The following CFAP20DC variants were observed in gnomAD, a reference collection of about 807,000 sequenced individuals.
The protein encoded by CFAP20DC is CFAP20 domain containing.
CFAP20DC carries 84 observed loss-of-function variants against 101.7 expected under a neutral mutation model. The ratio of observed to expected loss-of-function variants is 0.83; its 90% CI spans 0.69 to 0.99. The LOEUF is 0.99. CFAP20DC is among the 50% of genes least tolerant of loss of function. The probability of loss-of-function intolerance (pLI) is 0.00; values close to 1 mark genes in which losing one functional copy is unlikely to be tolerated. For synonymous variants in CFAP20DC, 359 were observed against 351.2 expected, an observed-to-expected ratio of 1.02 and a Z score of -0.25; for missense variants, 1,007 against 970.3, an observed-to-expected ratio of 1.04 and a Z score of -0.50.
At chr3:58,946,614 G>A (rs780209424) in intron 4 of CFAP20DC, among the ~76,000 whole-genome samples, 5 of 152,084 alleles carry the variant, frequency 3.3e-5, no homozygotes, top group Non-Finnish European at 4.4e-5. Context: ...CCACATTCCT[G>A]TATGCTACCC....
At chr3:58,931,262 A>G (rs560098009) in intron 5 of CFAP20DC, among the ~76,000 whole-genome samples, 56 of 152,314 alleles carry the variant, frequency 3.7e-4, no homozygotes, top group African/African-American at 1.3e-3. Context: ...TAAACAAAGC[A>G]GCCAGGAAGC....
At chr3:58,935,225 A>T (rs2087369199) in intron 5 of CFAP20DC, among the ~76,000 whole-genome samples, 1 of 152,048 alleles carries the variant, frequency 6.6e-6, no homozygotes. Flanking sequence ...AGGGATGTGA[A>T]GGACCTCTTC....
intron 4 of CFAP20DC, among the ~76,000 whole-genome samples, chr3:58,955,868 G>A (rs577774553): frequency 6.6e-6 from 1 of 151,564 alleles, no homozygotes; most frequent in South Asian, 2.1e-4. Context: ...AGTAGGATAG[G>A]GCAACAGTCA....
At position 58,854,060 on chromosome 3, in the gene CFAP20DC, C is replaced by T. The variant is rs376108206; in HGVS notation, c.1594-4651G>A. ...AAGTCAAATTGTCCCTGTTTGCAGA[C>T]GACATGATTGTATATCTAGAAAACC... On this transcript the variant is annotated intron_variant, in intron 12 of 16. Coordinates refer to ENST00000482387, the MANE Select transcript of CFAP20DC (RefSeq NM_001394063.1). Among the ~76,000 whole-genome samples, 36 of 152,130 alleles carry T rather than the reference C, an allele frequency of 2.4e-4. No individual in the cohort carries two copies. In the South Asian group the frequency reaches 2.7e-3, roughly 11 times the overall value.
chr3:59,025,151 T>G (rs2093872225), intron 4 of CFAP20DC, among the ~76,000 whole-genome samples: 1 of 152,196 alleles, frequency 6.6e-6, no homozygotes, highest in African/African-American at 2.4e-5. Flanking sequence ...GTAACTCCCT[T>G]CATACCAGAA....
At chr3:59,027,418 C>A (rs1344026599) in intron 4 of CFAP20DC, among the ~76,000 whole-genome samples, 1 of 152,122 alleles carries the variant, frequency 6.6e-6, no homozygotes, top group Non-Finnish European at 1.5e-5. Flanking sequence ...GAATCCTAAC[C>A]TCTCCAAACA....
intron 15 of CFAP20DC, among the ~76,000 whole-genome samples, chr3:58,764,427 C>T (rs2070057964): frequency 6.6e-6 from 1 of 152,152 alleles, no homozygotes; most frequent in Non-Finnish European, 1.5e-5. Context: ...TTCCAGGTGC[C>T]ATCTGTCACC....
At chr3:58,932,610 G>A (rs1468446793) in intron 5 of CFAP20DC, among the ~76,000 whole-genome samples, 1 of 152,102 alleles carries the variant, frequency 6.6e-6, no homozygotes, top group African/African-American at 2.4e-5. Context: ...GAGAGTGGGG[G>A]CCAATATTCA....
In CFAP20DC at chr3:58,814,342, T is replaced by C. The variant is rs2074939687; in HGVS notation, c.2176-7886A>G. ...TAAAAACTCTCAATAAATTAGGTATTGATGGGACGTATTTCAAAATAATAA... is the reference window on the plus strand; with the variant it reads ...TAAAAACTCTCAATAAATTAGGTATCGATGGGACGTATTTCAAAATAATAA... On this transcript the variant is annotated intron_variant, in intron 14 of 16. Coordinates refer to ENST00000482387, the MANE Select transcript of CFAP20DC (RefSeq NM_001394063.1). Among the ~76,000 whole-genome samples the C allele has an allele frequency of 2.0e-5, 3 of 151,776 alleles. 1 individual carries two copies. The highest frequency in any genetic ancestry group is 6.6e-5 in the Admixed American group (1 of 15,228).
chr3:58,857,035 T>C (rs2078892260), intron 12 of CFAP20DC, among the ~76,000 whole-genome samples: 1 of 152,198 alleles, frequency 6.6e-6, no homozygotes, highest in African/African-American at 2.4e-5. Flanking sequence ...TAGATGTTTA[T>C]TAAGCTCCTA....
Position 58,937,636 on chromosome 3 carries a change from T to C in CFAP20DC, c.393+12A>G, listed in dbSNP as rs1227197511. ...AATTTAATATTTTAGGCAACATTCA[T>C]GTGATACTTACAATTTTACGTTTGA... On this transcript the variant is annotated intron_variant, in intron 5 of 16. Coordinates refer to ENST00000482387, the MANE Select transcript of CFAP20DC (RefSeq NM_001394063.1). 2.1e-6 allele frequency: 3 copies of C among 1,462,598 alleles called. No individual in the cohort carries two copies. The highest frequency in any genetic ancestry group is 2.3e-5 in the East Asian group (1 of 44,132). 90.6% of individuals were successfully genotyped at this position (1,462,598 alleles called of 1,614,324 possible). A position where few individuals can be genotyped will look rare whatever the true frequency, so the allele number is the denominator to read the frequency against.
At chr3:58,976,795 C>A (rs1649424614) in intron 4 of CFAP20DC, among the ~76,000 whole-genome samples, 1 of 152,068 alleles carries the variant, frequency 6.6e-6, no homozygotes, top group African/African-American at 2.4e-5. Flanking sequence ...ACCAGCAGGT[C>A]TACATGGCCC....
chr3:58,842,384 G>C (rs908617277), intron 13 of CFAP20DC, among the ~76,000 whole-genome samples: 2 of 152,084 alleles, frequency 1.3e-5, no homozygotes, highest in South Asian at 2.1e-4. Flanking sequence ...TTCCCTTTCC[G>C]AGTCAAAGAA....
At chr3:58,736,177 A>G (rs1267485728) in intron 3 of CFAP20DC, among the ~76,000 whole-genome samples, 1 of 152,230 alleles carries the variant, frequency 6.6e-6, no homozygotes, top group Non-Finnish European at 1.5e-5. Flanking sequence ...AAAAGATACT[A>G]TGCTTACTAA....
At chr3:59,035,610 T>C (rs1164996689) in intron 4 of CFAP20DC, among the ~76,000 whole-genome samples, 2 of 152,172 alleles carry the variant, frequency 1.3e-5, no homozygotes, top group Admixed American at 6.6e-5. Flanking sequence ...AATGGATAAA[T>C]TCCTGGACAC....
chr3:58,939,446 T>C (rs745311196), intron 4 of CFAP20DC, among the ~76,000 whole-genome samples: 4 of 152,152 alleles, frequency 2.6e-5, no homozygotes, highest in Non-Finnish European at 5.9e-5. Context: ...ACTACATTTT[T>C]TAAAATTTTA....
chr3:58,797,694 T>C (rs1685806878), intron 15 of CFAP20DC, among the ~76,000 whole-genome samples: 1 of 152,192 alleles, frequency 6.6e-6, no homozygotes. Flanking sequence ...CATCTAGGAC[T>C]TCCATTACTA....
At chr3:58,843,434 G>C (rs1250833432) in intron 13 of CFAP20DC, among the ~76,000 whole-genome samples, 1 of 151,896 alleles carries the variant, frequency 6.6e-6, no homozygotes, top group Admixed American at 6.6e-5. Context: ...TGAAATGAAT[G>C]AAATGAAGCG....
At chr3:58,856,336 T>C (rs899508019) in intron 12 of CFAP20DC, among the ~76,000 whole-genome samples, 2 of 151,130 alleles carry the variant, frequency 1.3e-5, no homozygotes, top group African/African-American at 4.9e-5. Flanking sequence ...GATACTTATC[T>C]TTCAGTGTTC....
Sources: gnomAD v4.1 joint callset for allele counts (sites outside exome capture counted in the v4.1 genomes callset) on GRCh38, gnomAD v4.1.1 for gene constraint, MANE v1.5 for transcripts, NCBI Gene and HGNC (gene_info 2026-07-23, HGNC 2026-07-21) for gene names.